The following NSD2 variants were observed in gnomAD, a reference collection of about 807,000 sequenced individuals.
NSD2 encodes the protein nuclear receptor binding SET domain protein 2, also known as histone-lysine N-methyltransferase NSD2.
In NSD2, 12 loss-of-function variants were observed where a neutral mutation model predicts 139.0. That is an observed-to-expected ratio of 0.09 (90% CI 0.06 to 0.14). The LOEUF is 0.14. Among genes scored for constraint, NSD2 ranks in the 10% least tolerant of loss-of-function variants. The pLI is 1.00. For synonymous variants in NSD2, 669 were observed against 648.7 expected, an observed-to-expected ratio of 1.03 and a Z score of -0.48; for missense variants, 1,155 against 1,745.0, an observed-to-expected ratio of 0.66 and a Z score of 6.02.
intron 18 of NSD2, among the ~76,000 whole-genome samples, chr4:1,968,127 T>A (rs1726076832): frequency 6.6e-6 from 1 of 152,196 alleles, no homozygotes; most frequent in Non-Finnish European, 1.5e-5. Context: ...ATCTGTGACT[T>A]CAGACAAAGA....
intron 3 of NSD2, among the ~76,000 whole-genome samples, chr4:1,909,666 A>C (rs1718405076): frequency 6.7e-6 from 1 of 148,170 alleles, no homozygotes. Flanking sequence ...CTGGAGATGG[A>C]GTCTTGCTCA....
At chr4:1,965,270 A>G (rs892755970) in intron 18 of NSD2, among the ~76,000 whole-genome samples, 1 of 152,168 alleles carries the variant, frequency 6.6e-6, no homozygotes, top group African/African-American at 2.4e-5. Context: ...GGCAGTATCA[A>G]TGAAGAGATA....
At chr4:1,978,512 G>A in intron 21 of NSD2, 126 bp from the exon 22 acceptor site, 1 of 1,376,014 alleles carries the variant, frequency 7.3e-7, no homozygotes, top group Non-Finnish European at 9.9e-7. Flanking sequence ...TGCCCGTCCT[G>A]TTCGCTGGAG....
intron 5 of NSD2, among the ~76,000 whole-genome samples, chr4:1,930,390 G>A (rs369561001): frequency 6.6e-6 from 1 of 152,200 alleles, no homozygotes; most frequent in South Asian, 2.1e-4. Context: ...AACATTTACA[G>A]AAGTAGAGTT....
At chr4:1,963,338 G>C (rs1466133510) in intron 18 of NSD2, among the ~76,000 whole-genome samples, 1 of 152,180 alleles carries the variant, frequency 6.6e-6, no homozygotes, top group Non-Finnish European at 1.5e-5. Flanking sequence ...TGGCCAACTG[G>C]AGTTGAGTAC....
chr4:1,969,272 TGAG>T (rs1726190489), intron 18 of NSD2, among the ~76,000 whole-genome samples: 2 of 152,208 alleles, frequency 1.3e-5, no homozygotes, highest in Non-Finnish European at 1.5e-5. Flanking sequence ...CCTGAGGCTC[TGAG>T]GGCCCACAGA....
intron 3 of NSD2, among the ~76,000 whole-genome samples, chr4:1,910,975 T>TAA (rs1718586461): frequency 1.3e-5 from 2 of 152,144 alleles, no homozygotes; most frequent in Non-Finnish European, 2.9e-5. Flanking sequence ...ACACCTGGCC[T>TAA]TGTCTGCATC....
chr4:1,970,265 G>A (rs1726318798), intron 18 of NSD2, among the ~76,000 whole-genome samples: 1 of 152,226 alleles, frequency 6.6e-6, no homozygotes, highest in African/African-American at 2.4e-5. Context: ...GGGAGAAATA[G>A]GGCCAAGTGG....
rs1203199132 is a variant in NSD2, at chr4:1,956,714, C to T, written c.2881+526C>T. 6.6e-6 allele frequency among the ~76,000 whole-genome samples: 1 copy of T among 152,172 alleles called. No homozygotes were observed. The highest frequency in any genetic ancestry group is 2.4e-5 in the African/African-American group (1 of 41,430). ...GGGATGTGACCCTTCACTGGAGGAACTGGAGGAACTGGTATTTATGATCGG... is the reference window on the plus strand; with the variant it reads ...GGGATGTGACCCTTCACTGGAGGAATTGGAGGAACTGGTATTTATGATCGG... On this transcript the variant is annotated intron_variant, in intron 15 of 21. Transcript: ENST00000508803. The surrounding 1 kb of genome is among the most constrained non-coding windows in gnomAD (Gnocchi z 5.3).
intron 9 of NSD2, chr4:1,947,512 AG>A: frequency 1.9e-6 from 2 of 1,056,704 alleles, no homozygotes; most frequent in Non-Finnish European, 2.3e-6. Context: ...GTAACCTAGA[AG>A]GGTCACTTTA....
chr4:1,875,576 G>T (rs532185079), intron 1 of NSD2, among the ~76,000 whole-genome samples: 1 of 152,170 alleles, frequency 6.6e-6, no homozygotes, highest in South Asian at 2.1e-4. Context: ...AGAATTGATT[G>T]ATTTGATTAC....
intron 18 of NSD2, among the ~76,000 whole-genome samples, chr4:1,967,439 G>A (rs936665979): frequency 1.3e-5 from 2 of 152,108 alleles, no homozygotes; most frequent in Non-Finnish European, 2.9e-5. Context: ...TTAGCTGGGC[G>A]TGGTGGCGGG....
At position 1,935,226 on chromosome 4, in the gene NSD2, G is replaced by A. The variant is rs571693539; in HGVS notation, c.1638G>A (p.Arg546=). The A allele has an allele frequency of 2.4e-5, 38 of 1,613,456 alleles. No individual in the cohort carries two copies. The Admixed American group carries it at 4.2e-4, about 18-fold the overall frequency. The change falls in exon 7 of 22, where the codon AGG becomes AGA. Residue 546 remains arginine (R), a synonymous_variant. Transcript: ENST00000508803. ...ATGCTGAAGCTGAGGACACACCCAG[G>A]AAAAGACTCAGGACGGACAAGCACA... ...TEDAEAEDTP[R]KRLRTDKHSL... is the part of the protein sequence containing the mutation.
rs1726560432 is a variant in NSD2, at chr4:1,972,186, G to C, written c.3373-2677G>C. On this transcript the variant is annotated intron_variant, in intron 18 of 21. Transcript: ENST00000508803. This position sits in a 1 kb window ranked among gnomAD's most constrained non-coding sequence, Gnocchi z 4.0. Reference sequence around the variant, plus strand: ...TTCCCCTGCCCTCCTCATGTATGCAGAGCCACAAAGAGCATTGATGCGTGT... The same window carrying C: ...TTCCCCTGCCCTCCTCATGTATGCACAGCCACAAAGAGCATTGATGCGTGT... 1.3e-5 allele frequency among the ~76,000 whole-genome samples: 2 copies of C among 152,226 alleles called. No homozygotes were observed. Among genetic ancestry groups the C allele is most frequent in the African/African-American group, 4.8e-5 (2 of 41,462 alleles).
chr4:1,953,300 A>T, intron 11 of NSD2, 24 bp from the exon 12 acceptor site: 1 of 1,614,000 alleles, frequency 6.2e-7, no homozygotes, highest in Non-Finnish European at 8.5e-7. Context: ...CTCTCTCTCC[A>T]CCCCTTCTTT....
Position 1,976,274 on chromosome 4 carries a change from C to G in NSD2, c.3622-201C>G. The G allele has an allele frequency of 1.6e-6, 1 of 611,802 alleles. No individual in the cohort carries two copies. The allele number at this position is 611,802 out of a possible 1,614,324, so 37.9% of individuals were successfully genotyped here. A position where few individuals can be genotyped will look rare whatever the true frequency, so the allele number is the denominator to read the frequency against. On this transcript the variant is annotated intron_variant, in intron 20 of 21. Coordinates refer to ENST00000508803, the MANE Select transcript of NSD2 (RefSeq NM_001042424.3). The surrounding 1 kb of genome is among the most constrained non-coding windows in gnomAD (Gnocchi z 5.3). ...CGACAAAGCTCACTCTAGTCGTAGTCTTTGTTCAGCTTTTTCACGCTGAGT... is the reference window on the plus strand; with the variant it reads ...CGACAAAGCTCACTCTAGTCGTAGTGTTTGTTCAGCTTTTTCACGCTGAGT...
At chr4:1,946,250 A>G (rs1022304140) in intron 9 of NSD2, 3 of 981,508 alleles carry the variant, frequency 3.1e-6, no homozygotes, top group Non-Finnish European at 3.7e-6. Context: ...GGGGTCTTGC[A>G]TTTATTTATT....
chr4:1,955,505 A>G lies in NSD2; in HGVS notation c.2518+165A>G, dbSNP rs1560758329. On this transcript the variant is annotated intron_variant, in intron 13 of 21. Coordinates refer to ENST00000508803, the MANE Select transcript of NSD2 (RefSeq NM_001042424.3). This position sits in a 1 kb window ranked among gnomAD's most constrained non-coding sequence, Gnocchi z 4.7. The stretch of plus-strand genomic sequence containing the variant: ...CAGTAGCTCTAAATTAATTGTAATC[A>G]TTTCGCAAACATACAGGAAATTATT... 8.1e-7 allele frequency: 1 copy of G among 1,236,456 alleles called. No homozygotes were observed. Among genetic ancestry groups the G allele is most frequent in the Non-Finnish European group, 1.1e-6 (1 of 918,812 alleles). The allele number at this position is 1,236,456 out of a possible 1,614,324, so 76.6% of individuals were successfully genotyped here.
At chr4:1,907,535 A>C (rs1718080391) in intron 3 of NSD2, among the ~76,000 whole-genome samples, 1 of 152,002 alleles carries the variant, frequency 6.6e-6, no homozygotes, top group African/African-American at 2.4e-5. Context: ...CTTTCAAGTC[A>C]AAGTAAAACA....
Sources: gnomAD v4.1 joint callset for allele counts (sites outside exome capture counted in the v4.1 genomes callset) on GRCh38, gnomAD v4.1.1 for gene constraint, Gnocchi (gnomAD v3.1) non-coding constraint, MANE v1.5 for transcripts, NCBI Gene and HGNC (gene_info 2026-07-23, HGNC 2026-07-21) for gene names.